Variants in ZDHHC20 observed in about 807,000 individuals in gnomAD.
ZDHHC20 encodes palmitoyltransferase ZDHHC20.
A neutral mutation model predicts 57.8 loss-of-function variants in ZDHHC20; 43 were observed. That is an observed-to-expected ratio of 0.74 (90% CI 0.58 to 0.96). The LOEUF (loss-of-function observed/expected upper bound fraction) is 0.96, where lower values mean the gene tolerates loss of function less well. ZDHHC20 is among the 40% of genes least tolerant of loss of function. ZDHHC20 has a pLI of 0.00. For synonymous variants in ZDHHC20, 157 were observed against 153.0 expected (o/e 1.03, Z -0.19); for missense variants, 391 against 441.1 (o/e 0.89, Z 1.02).
chr13:21,441,558 T>C (rs1883170986), intron 1 of ZDHHC20, among the ~76,000 whole-genome samples: 1 of 93,068 alleles, frequency 1.1e-5, no homozygotes, highest in Admixed American at 1.0e-4. Context: ...GCTTTTTTTT[T>C]TTTTTTTTTT....
At chr13:21,441,362 G>T (rs1200971480) in intron 1 of ZDHHC20, among the ~76,000 whole-genome samples, 4 of 149,992 alleles carry the variant, frequency 2.7e-5, no homozygotes, top group African/African-American at 9.8e-5. Flanking sequence ...GATATGGATA[G>T]TTCTCTTCCA....
chr13:21,395,906 C>G (rs887874390), intron 7 of ZDHHC20, among the ~76,000 whole-genome samples: 1 of 152,168 alleles, frequency 6.6e-6, no homozygotes, highest in Non-Finnish European at 1.5e-5. Flanking sequence ...AGACAGCAAA[C>G]CACTCACCCA....
intron 2 of ZDHHC20, among the ~76,000 whole-genome samples, chr13:21,424,075 T>C (rs1390736783): frequency 2.6e-5 from 4 of 152,068 alleles, no homozygotes; most frequent in Non-Finnish European, 5.9e-5. Context: ...TGTTAAAAAA[T>C]AGATAAAATA....
intron 1 of ZDHHC20, among the ~76,000 whole-genome samples, chr13:21,436,680 A>T (rs1274601322): frequency 6.6e-6 from 1 of 152,186 alleles, no homozygotes; most frequent in Non-Finnish European, 1.5e-5. Context: ...CTATTTCCGG[A>T]GACACAACAA....
intron 3 of ZDHHC20, 130 bp from the exon 4 acceptor site, chr13:21,413,902 A>T (rs138667845): frequency 0.21 from 150,438 of 717,950 alleles, 17,566 homozygotes; most frequent in Non-Finnish European, 0.25. Context: ...TCTTCAAAAA[A>T]AAGCAGATAA....
At chr13:21,439,978 A>C (rs1228665065) in intron 1 of ZDHHC20, among the ~76,000 whole-genome samples, 1 of 150,512 alleles carries the variant, frequency 6.6e-6, no homozygotes, top group Non-Finnish European at 1.5e-5. Context: ...GAGGCACAAG[A>C]ATTGCTCAAA....
intron 1 of ZDHHC20, among the ~76,000 whole-genome samples, chr13:21,445,004 T>C (rs9509718): frequency 0.85 from 129,434 of 152,030 alleles, 55,479 homozygotes; most frequent in East Asian, 1. Flanking sequence ...TGCAGTGAGC[T>C]GTGGTCATGC....
intron 1 of ZDHHC20, among the ~76,000 whole-genome samples, chr13:21,447,251 A>T (rs889187015): frequency 1.4e-5 from 2 of 147,698 alleles, no homozygotes; most frequent in Non-Finnish European, 3.0e-5. Flanking sequence ...GACTCGTCCC[A>T]GTTTGGACAG....
chr13:21,451,229 G>A lies in ZDHHC20; in HGVS notation c.118+7825C>T, dbSNP rs565932487. On this transcript the variant is annotated intron_variant, in intron 1 of 12. Coordinates refer to ENST00000400590, the MANE Select transcript of ZDHHC20 (RefSeq NM_001330059.2). ...ATGTAGGACCAATAAGCCATTTCAC[G>A]TAGCCTTTACCACTAAAGATTGTGA... Among the ~76,000 whole-genome samples, 223 of 152,192 alleles carry A rather than the reference G, an allele frequency of 1.5e-3. 1 individual carries two copies. Among genetic ancestry groups the A allele is most frequent in the African/African-American group, 4.4e-3 (183 of 41,516 alleles).
chr13:21,412,556 A>G (rs1159979567), intron 4 of ZDHHC20, among the ~76,000 whole-genome samples: 1 of 152,216 alleles, frequency 6.6e-6, no homozygotes, highest in East Asian at 1.9e-4. Context: ...AGAAGACAGA[A>G]TGACAAAACG....
chr13:21,440,761 TC>T (rs1883065456), intron 1 of ZDHHC20, among the ~76,000 whole-genome samples: 1 of 152,194 alleles, frequency 6.6e-6, no homozygotes, highest in Non-Finnish European at 1.5e-5. Context: ...AATTGTCCCA[TC>T]TTTTCCTCTG....
At chr13:21,384,788 A>C (rs1440666812) in intron 9 of ZDHHC20, among the ~76,000 whole-genome samples, 1 of 152,112 alleles carries the variant, frequency 6.6e-6, no homozygotes, top group Non-Finnish European at 1.5e-5. Flanking sequence ...AATACTCTGG[A>C]CTCAACGTAA....
chr13:21,449,198 A>C (rs1049813389), intron 1 of ZDHHC20, among the ~76,000 whole-genome samples: 3 of 150,462 alleles, frequency 2.0e-5, no homozygotes, highest in African/African-American at 7.3e-5. Flanking sequence ...TGTGAGAAAC[A>C]CCCAAGAATT....
chr13:21,413,249 C>T (rs1366627576), intron 4 of ZDHHC20, among the ~76,000 whole-genome samples: 1 of 151,996 alleles, frequency 6.6e-6, no homozygotes, highest in Non-Finnish European at 1.5e-5. Context: ...AAGTTTCTTC[C>T]TATTTGTGTC....
intron 1 of ZDHHC20, among the ~76,000 whole-genome samples, chr13:21,440,655 T>C (rs1883051562): frequency 6.6e-6 from 1 of 152,032 alleles, no homozygotes; most frequent in Non-Finnish European, 1.5e-5. Flanking sequence ...TGTGTATATA[T>C]ATATATGACA....
At chr13:21,415,285 A>G (rs1364817279) in intron 3 of ZDHHC20, among the ~76,000 whole-genome samples, 2 of 152,232 alleles carry the variant, frequency 1.3e-5, no homozygotes, top group Non-Finnish European at 2.9e-5. Flanking sequence ...ATTTTCCTCT[A>G]TATTACAGTG....
chr13:21,442,273 G>T (rs1883254005), intron 1 of ZDHHC20, among the ~76,000 whole-genome samples: 1 of 151,658 alleles, frequency 6.6e-6, no homozygotes, highest in Non-Finnish European at 1.5e-5. Flanking sequence ...GTGATTTCAG[G>T]TTCTTGGCTT....
intron 4 of ZDHHC20, among the ~76,000 whole-genome samples, chr13:21,412,948 A>G (rs1390309602): frequency 7.7e-6 from 1 of 129,860 alleles, no homozygotes; most frequent in African/African-American, 2.9e-5. Flanking sequence ...AGCCTGGGCC[A>G]CAGAGCGAGA....
chr13:21,382,836 A>G, intron 10 of ZDHHC20, 84 bp downstream of exon 10: 5 of 1,137,496 alleles, frequency 4.4e-6, no homozygotes, highest in Non-Finnish European at 6.4e-6. Context: ...TCACTACTGT[A>G]TTTACTCATA....
Sources: allele counts gnomAD v4.1 joint callset (sites outside exome capture counted in the v4.1 genomes callset), GRCh38; gene constraint gnomAD v4.1.1; transcripts MANE v1.5; gene names NCBI Gene and HGNC (gene_info 2026-07-23, HGNC 2026-07-21).